Variants in NRXN1 observed in about 807,000 individuals in gnomAD.
The protein encoded by NRXN1 is neurexin-1.
Under a neutral mutation model 150.9 loss-of-function variants are expected in NRXN1, and 39 were observed. The ratio of observed to expected loss-of-function variants is 0.26; its 90% CI spans 0.20 to 0.34. The LOEUF (loss-of-function observed/expected upper bound fraction) is 0.34. Ranked by LOEUF, NRXN1 falls within the 10% of genes least tolerant of loss-of-function variation. NRXN1 has a pLI of 1.00. For synonymous variants in NRXN1, 924 were observed against 757.0 expected (o/e 1.22, Z -3.62); for missense variants, 1,815 against 1,949.9 (o/e 0.93, Z 1.30).
At chr2:50,770,673 C>A (rs1187230632) in intron 5 of NRXN1, among the ~76,000 whole-genome samples, 2 of 151,844 alleles carry the variant, frequency 1.3e-5, no homozygotes, top group Non-Finnish European at 1.5e-5. Context: ...TCAGCATATT[C>A]TTTTAAATTT....
intron 5 of NRXN1, among the ~76,000 whole-genome samples, chr2:50,839,631 G>A (rs770677465): frequency 2.0e-4 from 30 of 152,058 alleles, no homozygotes; most frequent in Non-Finnish European, 4.3e-4. Flanking sequence ...CATAAAGGAT[G>A]AATAATACAT....
At chr2:50,865,843 C>T (rs1676860299) in intron 5 of NRXN1, among the ~76,000 whole-genome samples, 2 of 150,348 alleles carry the variant, frequency 1.3e-5, no homozygotes, top group South Asian at 4.2e-4. Context: ...TATATTAGCT[C>T]ATTTAATCTT....
chr2:50,264,782 G>C (rs1315694105), intron 17 of NRXN1, among the ~76,000 whole-genome samples: 2 of 152,150 alleles, frequency 1.3e-5, no homozygotes, highest in East Asian at 3.9e-4. Flanking sequence ...TCAGTAAAGA[G>C]TTATAATCTA....
At chr2:50,160,739 G>A (rs1047261311) in intron 18 of NRXN1, among the ~76,000 whole-genome samples, 3 of 152,188 alleles carry the variant, frequency 2.0e-5, no homozygotes, top group African/African-American at 4.8e-5. Context: ...AAAGCCCTCG[G>A]TCAGGTTTGT....
intron 12 of NRXN1, among the ~76,000 whole-genome samples, chr2:50,511,193 T>A (rs985233003): frequency 1.3e-5 from 2 of 152,110 alleles, no homozygotes; most frequent in Non-Finnish European, 2.9e-5. Flanking sequence ...CCCAGGGAGC[T>A]GGGATTACAG....
intron 17 of NRXN1, among the ~76,000 whole-genome samples, chr2:50,335,529 C>T (rs1430076872): frequency 6.6e-6 from 1 of 152,174 alleles, no homozygotes; most frequent in Non-Finnish European, 1.5e-5. Flanking sequence ...CCCCACCACC[C>T]CCTGCCGTTA....
At chr2:50,038,730 C>T (rs974785217) in intron 21 of NRXN1, among the ~76,000 whole-genome samples, 14 of 151,596 alleles carry the variant, frequency 9.2e-5, no homozygotes, top group African/African-American at 2.2e-4. Context: ...TAGTTTTCTC[C>T]GTCCTTCCCT....
At chr2:50,458,200 G>T (rs149846213) in intron 17 of NRXN1, among the ~76,000 whole-genome samples, 1 of 152,112 alleles carries the variant, frequency 6.6e-6, no homozygotes, top group East Asian at 1.9e-4. Flanking sequence ...AATATCGCAT[G>T]TTCTCACTCA....
intron 9 of NRXN1, among the ~76,000 whole-genome samples, chr2:50,545,644 T>C (rs770943568): frequency 6.6e-6 from 1 of 152,212 alleles, no homozygotes; most frequent in African/African-American, 2.4e-5. Flanking sequence ...TTACAGGACA[T>C]GAAATACTTC....
intron 21 of NRXN1, among the ~76,000 whole-genome samples, chr2:49,979,178 T>A (rs1277640915): frequency 1.3e-5 from 2 of 152,166 alleles, no homozygotes; most frequent in Non-Finnish European, 2.9e-5. Flanking sequence ...GCACCTGTAA[T>A]CTCAGCTACT....
At chr2:50,891,737 G>A (rs1381360320) in intron 5 of NRXN1, among the ~76,000 whole-genome samples, 1 of 152,160 alleles carries the variant, frequency 6.6e-6, no homozygotes, top group East Asian at 1.9e-4. Context: ...AGTTTCTCTT[G>A]GAATGGGAAT....
chr2:50,236,310 C>G (rs1196998643), intron 18 of NRXN1, among the ~76,000 whole-genome samples: 1 of 151,978 alleles, frequency 6.6e-6, no homozygotes, highest in Non-Finnish European at 1.5e-5. Flanking sequence ...TTTCACATCC[C>G]CAAGTATCCT....
intron 5 of NRXN1, among the ~76,000 whole-genome samples, chr2:50,644,911 T>C (rs2104508827): frequency 6.8e-6 from 1 of 147,232 alleles, no homozygotes; most frequent in African/African-American, 2.7e-5. Flanking sequence ...ACAGCTCTTA[T>C]ATACATATTT....
chr2:50,460,972 G>A (rs1281759629), intron 17 of NRXN1, among the ~76,000 whole-genome samples: 1 of 151,878 alleles, frequency 6.6e-6, no homozygotes, highest in East Asian at 1.9e-4. Flanking sequence ...TAATACTACT[G>A]GCAACTCTAA....
rs540448082 is a variant in NRXN1 at position 50,352,518 on chromosome 2, G to A, written c.3364+112924C>T. Reference sequence around the variant, plus strand: ...ATATTTTAAAAATTAAAAATGAGAAGAGTGTCGGTCTTGCATTTTGCATTT... The same window carrying A: ...ATATTTTAAAAATTAAAAATGAGAAAAGTGTCGGTCTTGCATTTTGCATTT... On this transcript the variant is annotated intron_variant, in intron 17 of 22. Transcript: ENST00000401669. Among the ~76,000 whole-genome samples, 186 of 152,004 alleles carry A rather than the reference G, an allele frequency of 1.2e-3. 1 individual carries two copies. Among genetic ancestry groups the A allele is most frequent in the East Asian group, 8.9e-3 (46 of 5,166 alleles).
intron 12 of NRXN1, among the ~76,000 whole-genome samples, chr2:50,515,162 G>A (rs971435050): frequency 1.3e-5 from 2 of 152,110 alleles, no homozygotes; most frequent in Non-Finnish European, 2.9e-5. Flanking sequence ...GATTCTCACA[G>A]GAATGCAAAC....
At chr2:50,468,439 T>C (rs1481048484) in intron 16 of NRXN1, among the ~76,000 whole-genome samples, 6 of 151,588 alleles carry the variant, frequency 4.0e-5, no homozygotes, top group Non-Finnish European at 7.4e-5. Flanking sequence ...ACTCACCTTC[T>C]AGACAATACT....
At chr2:50,673,809 T>C (rs759296995) in intron 5 of NRXN1, among the ~76,000 whole-genome samples, 29 of 152,180 alleles carry the variant, frequency 1.9e-4, no homozygotes, top group Non-Finnish European at 3.2e-4. Context: ...ATGTAAGACA[T>C]AGACTACCAT....
chr2:50,377,083 T>C (rs1301900331), intron 17 of NRXN1, among the ~76,000 whole-genome samples: 2 of 152,062 alleles, frequency 1.3e-5, no homozygotes, highest in Non-Finnish European at 2.9e-5. Context: ...CTTTCTCCCA[T>C]TTTTTTCTTT....
Sources: allele counts gnomAD v4.1 joint callset (sites outside exome capture counted in the v4.1 genomes callset), GRCh38; gene constraint gnomAD v4.1.1; transcripts MANE v1.5; gene names NCBI Gene and HGNC (gene_info 2026-07-23, HGNC 2026-07-21).